Variants in ZMYND11 observed in about 807,000 individuals in gnomAD.
ZMYND11 encodes zinc finger MYND domain-containing protein 11.
A neutral mutation model predicts 84.9 loss-of-function variants in ZMYND11; 9 were observed. The ratio of observed to expected loss-of-function variants is 0.11; its 90% CI spans 0.06 to 0.18. The LOEUF (loss-of-function observed/expected upper bound fraction) is 0.18. Among genes scored for constraint, ZMYND11 ranks in the 10% least tolerant of loss-of-function variants. The pLI, the probability that ZMYND11 is intolerant of heterozygous loss-of-function variation, is 1.00. For synonymous variants in ZMYND11, 250 were observed against 244.1 expected (o/e 1.02, Z -0.23); for missense variants, 409 against 761.0 (o/e 0.54, Z 5.44).
intron 5 of ZMYND11, 78 bp downstream of exon 5, chr10:236,993 T>A: frequency 2.2e-6 from 3 of 1,369,448 alleles, no homozygotes; most frequent in East Asian, 2.4e-5. Flanking sequence ...AGTTGAATGA[T>A]CGAGAAGTAA....
chr10:131,747 C>T (rs1190674801), upstream of ZMYND11, among the ~76,000 whole-genome samples: 4 of 151,706 alleles, frequency 2.6e-5, no homozygotes, highest in Non-Finnish European at 5.9e-5. Flanking sequence ...AGGCTGTTCT[C>T]GAACTCCTGG....
intron 2 of ZMYND11, among the ~76,000 whole-genome samples, chr10:197,487 T>G (rs1454157631): frequency 6.6e-6 from 1 of 152,194 alleles, no homozygotes; most frequent in African/African-American, 2.4e-5. Flanking sequence ...CAAGTAAGGC[T>G]AATATAAGAA....
chr10:251,434 G>C (rs140865969), intron 14 of ZMYND11, among the ~76,000 whole-genome samples: 4 of 152,304 alleles, frequency 2.6e-5, no homozygotes, highest in African/African-American at 9.6e-5. Flanking sequence ...ACACAGGAAG[G>C]AAATTAGAAT....
At chr10:184,037 A>G (rs974209503) in intron 2 of ZMYND11, among the ~76,000 whole-genome samples, 1 of 152,210 alleles carries the variant, frequency 6.6e-6, no homozygotes, top group African/African-American at 2.4e-5. Context: ...CTTTTAAAAG[A>G]TAAAAACACC....
In ZMYND11 at chr10:252,203, G is replaced by C; in HGVS notation, c.1687-145G>C. ...CATCCCCAGGGCTCCCTTTCCATCT[G>C]CTGTGCATAAAACGTATTCAGATTC... On this transcript the variant is annotated intron_variant, in intron 14 of 14. Transcript: ENST00000381604. This position sits in a 1 kb window ranked among gnomAD's most constrained non-coding sequence, Gnocchi z 4.6. 1 of 981,100 alleles carries C rather than the reference G, an allele frequency of 1.0e-6. No individual in the cohort carries two copies. The highest frequency in any genetic ancestry group is 2.4e-5 in the Admixed American group (1 of 40,904). 60.8% of individuals were successfully genotyped at this position (981,100 alleles called of 1,614,324 possible).
rs1399134567 is a variant in ZMYND11, at chr10:248,605, G to A, written c.1497G>A (p.Glu499=). 3 of 1,602,960 alleles carry A rather than the reference G, an allele frequency of 1.9e-6. No individual in the cohort carries two copies. The highest frequency in any genetic ancestry group is 3.3e-5 in the Admixed American group (2 of 59,732). Reference sequence around the variant, plus strand: ...AGCGTGTTGTCCGAGAAGCTCTGGAGAAGGTAATGCTTGTCGCCACTGTGG... The same window carrying A: ...AGCGTGTTGTCCGAGAAGCTCTGGAAAAGGTAATGCTTGTCGCCACTGTGG... ...ETERVVREAL[E]KLRSEMEEEK... The change falls in exon 13 of 15, where the codon GAG becomes GAA. Residue 499 remains glutamate, a synonymous_variant. Coordinates refer to ENST00000381604, the MANE Select transcript of ZMYND11 (RefSeq NM_001370100.5).
intron 1 of ZMYND11, among the ~76,000 whole-genome samples, chr10:162,207 A>G (rs1251562961): frequency 2.6e-5 from 4 of 152,182 alleles, no homozygotes; most frequent in Non-Finnish European, 4.4e-5. Context: ...GTCAGAACAC[A>G]CACAACATTT....
At position 252,795 on chromosome 10, in the gene ZMYND11, G is replaced by A. The variant is rs190584441; in HGVS notation, c.*325G>A. 3.2e-3 allele frequency: 638 copies of A among 202,060 alleles called. 3 individuals are homozygous for A. The highest frequency in any genetic ancestry group is 0.023 in the Middle Eastern group (13 of 558). The allele number at this position is 202,060 out of a possible 1,614,324, so 12.5% of individuals were successfully genotyped here. Reference sequence around the variant, plus strand: ...AACAACAGATCTTTAAAAAACAGGTGAATACAAGTGAGTTTAACAAAGAAA... The same window carrying A: ...AACAACAGATCTTTAAAAAACAGGTAAATACAAGTGAGTTTAACAAAGAAA... On this transcript the variant is annotated 3_prime_UTR_variant, in exon 15 of 15. Transcript: ENST00000381604. This position sits in a 1 kb window ranked among gnomAD's most constrained non-coding sequence, Gnocchi z 4.6.
At chr10:237,250 A>G (rs554566513) in intron 5 of ZMYND11, among the ~76,000 whole-genome samples, 2 of 152,386 alleles carry the variant, frequency 1.3e-5, no homozygotes, top group Admixed American at 6.5e-5. Flanking sequence ...TAACTATTCT[A>G]TCACAACTTT....
Position 192,178 on chromosome 10 carries a change from C to A in ZMYND11, c.116+12050C>A, listed in dbSNP as rs114335075. 3.3e-3 allele frequency among the ~76,000 whole-genome samples: 495 copies of A among 152,238 alleles called. 1 individual carries two copies. Among genetic ancestry groups the A allele is most frequent in the African/African-American group, 0.011 (474 of 41,536 alleles). On this transcript the variant is annotated intron_variant, in intron 2 of 14. Coordinates refer to ENST00000381604, the MANE Select transcript of ZMYND11 (RefSeq NM_001370100.5). ...GCCTGTATGTGTCATCTGTTAAATT[C>A]TTATAACAGCACTACATATTCCAGT...
At chr10:138,309 G>T in intron 1 of ZMYND11, among the ~76,000 whole-genome samples, 1 of 150,874 alleles carries the variant, frequency 6.6e-6, no homozygotes. Context: ...GCCGGGGTGG[G>T]GGTGGTTTGC....
chr10:173,650 T>C (rs1554766251), intron 1 of ZMYND11, among the ~76,000 whole-genome samples: 4 of 151,956 alleles, frequency 2.6e-5, no homozygotes, highest in African/African-American at 9.7e-5. Flanking sequence ...GCCCAGGAAT[T>C]TGAGGTTATA....
At chr10:174,170 A>G (rs1331192211) in intron 1 of ZMYND11, among the ~76,000 whole-genome samples, 1 of 152,210 alleles carries the variant, frequency 6.6e-6, no homozygotes, top group African/African-American at 2.4e-5. Context: ...GAGTAGGTGA[A>G]TGGATGAACT....
intron 3 of ZMYND11, among the ~76,000 whole-genome samples, chr10:213,245 TACA>T (rs1945575911): frequency 6.6e-6 from 1 of 152,218 alleles, no homozygotes; most frequent in Non-Finnish European, 1.5e-5. Context: ...TAAATGAACA[TACA>T]ACAACAAGAG....
intron 1 of ZMYND11, among the ~76,000 whole-genome samples, chr10:136,843 C>T (rs11250357): frequency 6.6e-6 from 1 of 152,064 alleles, no homozygotes; most frequent in Admixed American, 6.5e-5. Context: ...AGCCCTTACG[C>T]GGTTCCCGGT....
intron 4 of ZMYND11, 25 bp from the exon 5 acceptor site, chr10:236,813 T>G: frequency 6.3e-7 from 1 of 1,591,614 alleles, no homozygotes; most frequent in South Asian, 1.1e-5. Context: ...TTTTGTACCT[T>G]TTTTTATTCT....
intron 2 of ZMYND11, among the ~76,000 whole-genome samples, chr10:209,329 A>G (rs537807413): frequency 6.6e-6 from 1 of 152,302 alleles, no homozygotes; most frequent in Admixed American, 6.5e-5. Flanking sequence ...GACTCAAAGT[A>G]TATTTCACTG....
chr10:148,544 C>T (rs1272470635), intron 1 of ZMYND11: 1 of 152,292 alleles, frequency 6.6e-6, no homozygotes, highest in Admixed American at 6.5e-5. Context: ...TTTTATTACT[C>T]ACACTAGTGT....
chr10:200,771 T>A (rs1367031590), intron 2 of ZMYND11, among the ~76,000 whole-genome samples: 1 of 152,216 alleles, frequency 6.6e-6, no homozygotes, highest in East Asian at 1.9e-4. Context: ...TTGAGAATAA[T>A]TATTTTAAAT....
Sources: gnomAD v4.1 joint callset for allele counts (sites outside exome capture counted in the v4.1 genomes callset) on GRCh38, gnomAD v4.1.1 for gene constraint, Gnocchi (gnomAD v3.1) non-coding constraint, MANE v1.5 for transcripts, NCBI Gene and HGNC (gene_info 2026-07-23, HGNC 2026-07-21) for gene names.